PTGER3: variants seen among roughly 807,000 people sequenced by gnomAD.
The protein encoded by PTGER3 is prostaglandin E2 receptor EP3 subtype.
A neutral mutation model predicts 34.7 loss-of-function variants in PTGER3; 22 were observed. The ratio of observed to expected loss-of-function variants is 0.63; its 90% CI spans 0.45 to 0.91. The LOEUF is 0.91. Among genes scored for constraint, PTGER3 ranks in the 40% least tolerant of loss-of-function variants. PTGER3 has a pLI of 0.00. For synonymous variants in PTGER3, 241 were observed against 230.1 expected (o/e 1.05, Z -0.43); for missense variants, 468 against 519.4 (o/e 0.90, Z 0.96).
intron 1 of PTGER3, among the ~76,000 whole-genome samples, chr1:71,046,014 C>A (rs1439835355): frequency 1.3e-5 from 2 of 151,560 alleles, no homozygotes; most frequent in Admixed American, 1.3e-4. Context: ...AAAAACCCGG[C>A]CGGGCGCGGT....
exon 4 of PTGER3, chr1:70,952,900 C>A (rs1408759418): frequency 3.8e-6 from 6 of 1,599,802 alleles, no homozygotes; most frequent in Non-Finnish European, 5.1e-6. Context: ...TAGTTATTTT[C>A]TTCATGTTAT....
chr1:70,969,339 A>C (rs1652852577), downstream of PTGER3, among the ~76,000 whole-genome samples: 1 of 152,202 alleles, frequency 6.6e-6, no homozygotes, highest in African/African-American at 2.4e-5. Context: ...AAAAACAAAA[A>C]GCTATCATGT....
At chr1:70,879,251 G>GTTTGTTT (rs1553158904) in intron 4 of PTGER3, among the ~76,000 whole-genome samples, 1 of 151,282 alleles carries the variant, frequency 6.6e-6, no homozygotes, top group Non-Finnish European at 1.5e-5. Context: ...TTTGTTTTTT[G>GTTTGTTT]TTTGTTTTGT....
chr1:70,959,449 C>A (rs1301240047), intron 2 of PTGER3, among the ~76,000 whole-genome samples: 1 of 151,556 alleles, frequency 6.6e-6, no homozygotes, highest in Non-Finnish European at 1.5e-5. Context: ...CACCTCCCTG[C>A]TCAAATGATT....
At chr1:70,866,962 G>A (rs1646055712) in intron 4 of PTGER3, among the ~76,000 whole-genome samples, 1 of 152,164 alleles carries the variant, frequency 6.6e-6, no homozygotes, top group Admixed American at 6.5e-5. Flanking sequence ...CACATCAGAG[G>A]TGTGTCTAAG....
At chr1:71,032,078 T>C (rs1396377983) in intron 1 of PTGER3, among the ~76,000 whole-genome samples, 1 of 152,196 alleles carries the variant, frequency 6.6e-6, no homozygotes, top group East Asian at 1.9e-4. Context: ...CAGCTACTGA[T>C]TTATAAAGAA....
chr1:70,891,577 C>A (rs1646618821), intron 4 of PTGER3, among the ~76,000 whole-genome samples: 1 of 152,018 alleles, frequency 6.6e-6, no homozygotes, highest in Non-Finnish European at 1.5e-5. Context: ...ATCAAATGAT[C>A]TTTACTGCTG....
At chr1:70,989,357 T>C (rs569756281) in intron 2 of PTGER3, among the ~76,000 whole-genome samples, 2 of 152,336 alleles carry the variant, frequency 1.3e-5, no homozygotes, top group African/African-American at 4.8e-5. Flanking sequence ...ATCATTTTGG[T>C]GCTCACTTAT....
At chr1:70,901,625 G>T (rs377144088) in intron 4 of PTGER3, among the ~76,000 whole-genome samples, 1 of 152,120 alleles carries the variant, frequency 6.6e-6, no homozygotes. Flanking sequence ...TACCTTCAAA[G>T]AATTTACAGT....
chr1:70,932,030 T>C (rs1040846944), intron 4 of PTGER3, among the ~76,000 whole-genome samples: 2 of 152,230 alleles, frequency 1.3e-5, no homozygotes, highest in African/African-American at 4.8e-5. Context: ...CCAAGTCATG[T>C]CTTGAATGCT....
chr1:71,015,110 T>G (rs1657776100), intron 1 of PTGER3, among the ~76,000 whole-genome samples: 1 of 152,206 alleles, frequency 6.6e-6, no homozygotes, highest in Admixed American at 6.5e-5. Flanking sequence ...ACACTTTTAA[T>G]CCTCATCATT....
At chr1:70,862,693 T>C (rs557318374) in intron 4 of PTGER3, among the ~76,000 whole-genome samples, 3 of 152,104 alleles carry the variant, frequency 2.0e-5, no homozygotes, top group South Asian at 4.1e-4. Flanking sequence ...TTGTTTTTAA[T>C]GATCAGAGGG....
intron 2 of PTGER3, chr1:71,009,499 A>T: frequency 2.0e-6 from 2 of 983,090 alleles, no homozygotes; most frequent in Non-Finnish European, 2.4e-6. Flanking sequence ...GACATTCATC[A>T]TACCTATTTT....
intron 4 of PTGER3, chr1:70,865,863 A>G: frequency 7.7e-7 from 1 of 1,301,528 alleles, no homozygotes; most frequent in Admixed American, 1.9e-5. Context: ...TGACATGACT[A>G]GAGAGGCAGG....
chr1:70,913,810 T>G (rs1176049933), intron 4 of PTGER3, among the ~76,000 whole-genome samples: 1 of 151,904 alleles, frequency 6.6e-6, no homozygotes, highest in African/African-American at 2.4e-5. Context: ...AACCTTATTT[T>G]TCTGGGATAA....
At chr1:70,874,395 G>A (rs1302385419) in intron 4 of PTGER3, among the ~76,000 whole-genome samples, 1 of 152,202 alleles carries the variant, frequency 6.6e-6, no homozygotes, top group African/African-American at 2.4e-5. Context: ...GTGTTGCCAT[G>A]GGTTATCTTC....
At chr1:70,864,383 G>T (rs951213175) in intron 4 of PTGER3, among the ~76,000 whole-genome samples, 1 of 152,314 alleles carries the variant, frequency 6.6e-6, no homozygotes, top group Admixed American at 6.5e-5. Flanking sequence ...CAATTAGGGT[G>T]CCTTGCACAC....
rs74089129 is a variant in PTGER3, at chr1:70,906,327, G to C, written c.*23+47436C>G. On this transcript the variant is annotated intron_variant, in intron 4 of 4. Transcript: ENST00000370931. Reference sequence around the variant, plus strand: ...ATAATTATGAGAGTAAAGGGAAATGGTGCAGAAGAGTGGTACAGATGTAAC... The same window carrying C: ...ATAATTATGAGAGTAAAGGGAAATGCTGCAGAAGAGTGGTACAGATGTAAC... Among the ~76,000 whole-genome samples the C allele has an allele frequency of 2.8e-3, 420 of 152,314 alleles. 6 individuals carry two copies. The highest frequency in any genetic ancestry group is 9.6e-3 in the African/African-American group (398 of 41,556).
intron 1 of PTGER3, 120 bp from the exon 2 acceptor site, chr1:71,012,604 T>C: frequency 6.2e-6 from 5 of 811,600 alleles, no homozygotes; most frequent in Non-Finnish European, 9.6e-6. Context: ...AAATGATTAA[T>C]TCAAGCAACA....
Sources: allele counts gnomAD v4.1 joint callset (sites outside exome capture counted in the v4.1 genomes callset), GRCh38; gene constraint gnomAD v4.1.1; transcripts MANE v1.5; gene names NCBI Gene and HGNC (gene_info 2026-07-23, HGNC 2026-07-21).